SH3D19: variants seen among roughly 807,000 people sequenced by gnomAD.
The protein encoded by SH3D19 is SH3 domain-containing protein 19.
Under a neutral mutation model 112.1 loss-of-function variants are expected in SH3D19, and 58 were observed. The observed-to-expected ratio is 0.52, with a 90% CI of 0.42 to 0.64. The LOEUF (loss-of-function observed/expected upper bound fraction) is 0.64. Among genes scored for constraint, SH3D19 ranks in the 30% least tolerant of loss-of-function variants. The pLI is 0.00. For missense variants in SH3D19, 1,090 were observed against 1,263.4 expected (o/e 0.86, Z 2.08); for synonymous variants, 391 against 448.5 (o/e 0.87, Z 1.62).
intron 2 of SH3D19, among the ~76,000 whole-genome samples, chr4:151,223,016 TTTTTTTC>T (rs1768355021): frequency 6.6e-6 from 1 of 150,668 alleles, no homozygotes; most frequent in African/African-American, 2.4e-5. Context: ...TTTTTTTTTT[TTTTTTTC>T]CTTAGGACTA....
chr4:151,202,848 T>C (rs1009144527), intron 2 of SH3D19, among the ~76,000 whole-genome samples: 6 of 152,150 alleles, frequency 3.9e-5, no homozygotes, highest in Non-Finnish European at 8.8e-5. Flanking sequence ...CACCCAAAAC[T>C]AGTGTGATAA....
chr4:151,313,495 C>T (rs1729691231), intron 1 of SH3D19, among the ~76,000 whole-genome samples: 1 of 152,058 alleles, frequency 6.6e-6, no homozygotes, highest in Non-Finnish European at 1.5e-5. Context: ...TGACTCACTG[C>T]AGCCTCAAAC....
intron 3 of SH3D19, among the ~76,000 whole-genome samples, chr4:151,181,401 CA>C (rs1692336866): frequency 6.6e-6 from 1 of 152,090 alleles, no homozygotes; most frequent in African/African-American, 2.4e-5. Context: ...GCTGGGTTGG[CA>C]AAGCAAACCT....
chr4:151,188,834 TCTTA>T (rs2149854057), intron 2 of SH3D19, among the ~76,000 whole-genome samples: 1 of 152,304 alleles, frequency 6.6e-6, no homozygotes, highest in Non-Finnish European at 1.5e-5. Flanking sequence ...CAGAATGTGA[TCTTA>T]CTTGAAAATA....
intron 15 of SH3D19, among the ~76,000 whole-genome samples, chr4:151,134,371 A>G (rs1751375218): frequency 6.6e-6 from 1 of 152,254 alleles, no homozygotes; most frequent in African/African-American, 2.4e-5. Context: ...ACAATGACAC[A>G]TAAAAGGGTA....
intron 1 of SH3D19, among the ~76,000 whole-genome samples, chr4:151,320,222 T>G (rs1053936773): frequency 2.6e-5 from 4 of 152,136 alleles, no homozygotes; most frequent in African/African-American, 9.7e-5. Flanking sequence ...ATAGAAAGAG[T>G]AAATTTAGTT....
chr4:151,325,076 G>A (rs1730918408), intron 1 of SH3D19, among the ~76,000 whole-genome samples, 165 bp downstream of exon 1: 1 of 152,228 alleles, frequency 6.6e-6, no homozygotes, highest in African/African-American at 2.4e-5. Flanking sequence ...CGGAAAGTGA[G>A]GATGGCGATG....
intron 2 of SH3D19, among the ~76,000 whole-genome samples, chr4:151,192,188 C>T (rs1271532880): frequency 7.2e-5 from 11 of 152,240 alleles, no homozygotes; most frequent in East Asian, 3.9e-4. Context: ...CCGCCTGCCT[C>T]GGCCTCGCAA....
At position 151,147,948 on chromosome 4, in the gene SH3D19, C is replaced by T. The variant is rs889266313; in HGVS notation, c.2056G>A (p.Gly686Arg). 10 of 1,612,380 alleles carry T rather than the reference C, an allele frequency of 6.2e-6. No homozygotes were observed. Among genetic ancestry groups the T allele is most frequent in the Non-Finnish European group, 8.5e-6 (10 of 1,179,524 alleles). Residue 686 changes from glycine to arginine, a missense_variant, in exon 11 of 20, where the codon GGA becomes AGA. Gly to Arg is a moderately radical substitution (Grantham distance 125, BLOSUM62 -2). Transcript: ENST00000604030. The part of the protein sequence containing the change: ...DPVLPPRPKP[G>R]HPLYSKYMRG... ...ATGTATTTACTGTAGAGAGGGTGTC[C>T]TGGTTTGGGACGAGGGGGTAGCACC... is the stretch of plus-strand genomic sequence containing the variant.
intron 1 of SH3D19, among the ~76,000 whole-genome samples, chr4:151,276,293 A>G (rs1773617141): frequency 6.6e-6 from 1 of 152,202 alleles, no homozygotes; most frequent in Non-Finnish European, 1.5e-5. Context: ...AGGCAGAGTG[A>G]AGATTTCTGA....
At chr4:151,279,023 A>G (rs1426314558) in intron 1 of SH3D19, 7 of 285,558 alleles carry the variant, frequency 2.5e-5, no homozygotes, top group African/African-American at 1.6e-4. Context: ...TACCAGCTAG[A>G]GCTCACACTT....
chr4:151,131,074 A>G (rs897767773), intron 17 of SH3D19, among the ~76,000 whole-genome samples: 2 of 151,996 alleles, frequency 1.3e-5, no homozygotes, highest in Non-Finnish European at 2.9e-5. Flanking sequence ...ATTCAATTTT[A>G]TATCCCCTTT....
Position 151,318,300 on chromosome 4 carries a change from C to CAA in SH3D19, c.112+6939_112+6940dup, listed in dbSNP as rs752720803. Among the ~76,000 whole-genome samples, 127 of 54,348 alleles carry CAA rather than the reference C, an allele frequency of 2.3e-3. 3 individuals carry two copies. Among genetic ancestry groups the CAA allele is most frequent in the African/African-American group, 4.3e-3 (66 of 15,452 alleles). 35.7% of individuals were successfully genotyped at this position (54,348 alleles called of 152,430 possible). A position where few individuals can be genotyped will look rare whatever the true frequency, so the allele number is the denominator to read the frequency against. On this transcript the variant is annotated intron_variant, in intron 1 of 19. Transcript: ENST00000604030. ...TAGGCGACAGAGTGAGACTCTGACT[C>CAA]AAAAAAAAAAAAAAAAAAAAAGAAA... is the stretch of plus-strand genomic sequence containing the variant.
At chr4:151,133,733 T>C (rs1323543003) in intron 15 of SH3D19, among the ~76,000 whole-genome samples, 6 of 152,148 alleles carry the variant, frequency 3.9e-5, no homozygotes, top group Non-Finnish European at 7.4e-5. Context: ...CCTTAAAAAC[T>C]AGGAGGTTTA....
chr4:151,148,420 T>A (rs959986105), intron 10 of SH3D19, among the ~76,000 whole-genome samples: 1 of 152,204 alleles, frequency 6.6e-6, no homozygotes, highest in Non-Finnish European at 1.5e-5. Flanking sequence ...TTTCCTCTTA[T>A]CTTGCGCTAG....
intron 1 of SH3D19, among the ~76,000 whole-genome samples, chr4:151,226,772 G>T (rs1279297895): frequency 6.6e-6 from 1 of 152,184 alleles, no homozygotes; most frequent in Non-Finnish European, 1.5e-5. Context: ...TGTCAGCAGT[G>T]CAGAGGTCGA....
intron 1 of SH3D19, among the ~76,000 whole-genome samples, chr4:151,235,228 C>T (rs1769951634): frequency 6.6e-6 from 1 of 152,150 alleles, no homozygotes. Context: ...TCCATTGTTC[C>T]TTCTCTGTGT....
intron 2 of SH3D19, among the ~76,000 whole-genome samples, chr4:151,219,788 T>C (rs1167553255): frequency 1.3e-5 from 2 of 152,254 alleles, no homozygotes; most frequent in Non-Finnish European, 2.9e-5. Context: ...GATGTATTCA[T>C]GTACATAAAT....
At chr4:151,282,892 CA>C (rs914304731) in intron 1 of SH3D19, among the ~76,000 whole-genome samples, 9 of 152,132 alleles carry the variant, frequency 5.9e-5, no homozygotes, top group African/African-American at 1.9e-4. Flanking sequence ...TTATTTAGAA[CA>C]ATGGCTCAAT....
Sources: gnomAD v4.1 joint callset for allele counts (sites outside exome capture counted in the v4.1 genomes callset) on GRCh38, gnomAD v4.1.1 for gene constraint, MANE v1.5 for transcripts, NCBI Gene and HGNC (gene_info 2026-07-23, HGNC 2026-07-21) for gene names.